The following RERG variants were observed in gnomAD, a reference collection of about 807,000 sequenced individuals.
RERG encodes the protein ras-related and estrogen-regulated growth inhibitor.
In RERG, 25 loss-of-function variants were observed where a neutral mutation model predicts 23.2. The observed-to-expected ratio is 1.08, with a 90% CI of 0.79 to 1.50. The LOEUF (loss-of-function observed/expected upper bound fraction) is 1.50. RERG is among the 40% of genes most tolerant of loss of function. The pLI, the probability that RERG is intolerant of heterozygous loss-of-function variation, is 0.00. For missense variants in RERG, 253 were observed against 250.1 expected, an observed-to-expected ratio of 1.01 and a Z score of -0.08; for synonymous variants, 81 against 89.1, an observed-to-expected ratio of 0.91 and a Z score of 0.51.
chr12:15,117,601 G>T (rs1863746788), intron 3 of RERG, among the ~76,000 whole-genome samples: 1 of 151,798 alleles, frequency 6.6e-6, no homozygotes, highest in South Asian at 2.1e-4. Context: ...TGCCTCCAAG[G>T]TAACAGTCGC....
intron 2 of RERG, among the ~76,000 whole-genome samples, chr12:15,198,145 A>G (rs572217411): frequency 6.6e-6 from 1 of 151,718 alleles, no homozygotes; most frequent in South Asian, 2.1e-4. Context: ...CCATTTTCCT[A>G]TCTTGTCTCT....
intron 2 of RERG, among the ~76,000 whole-genome samples, chr12:15,160,876 C>T (rs1351314337): frequency 6.6e-6 from 1 of 151,548 alleles, no homozygotes; most frequent in African/African-American, 2.4e-5. Context: ...ATGGCTCCCA[C>T]CTGTAATCCC....
At position 15,143,309 on chromosome 12, in the gene RERG, TAC is replaced by T. The variant is rs746314522; in HGVS notation, c.62-22192_62-22191del. 8.8e-5 allele frequency among the ~76,000 whole-genome samples: 13 copies of T among 147,044 alleles called. No homozygotes were observed. The East Asian group carries it at 1.2e-3, about 14-fold the overall frequency. ...CACATTCATATATGTACATATAATA[TAC>T]ACACACACGTGTGTATGTAAATATA... On this transcript the variant is annotated intron_variant, in intron 2 of 4. Coordinates refer to ENST00000256953, the MANE Select transcript of RERG (RefSeq NM_032918.3).
intron 3 of RERG, among the ~76,000 whole-genome samples, chr12:15,118,488 G>A (rs1863771719): frequency 6.6e-6 from 1 of 152,116 alleles, no homozygotes; most frequent in South Asian, 2.1e-4. Flanking sequence ...TCTTTTGGTG[G>A]TGGTTTTGAA....
intron 2 of RERG, among the ~76,000 whole-genome samples, chr12:15,187,734 C>CTTAACAT: frequency 6.6e-6 from 1 of 151,818 alleles, no homozygotes; most frequent in South Asian, 2.1e-4. Flanking sequence ...ATTTTTTGTA[C>CTTAACAT]TTTAAGTAGA....
chr12:15,174,303 A>G (rs1247170764), intron 2 of RERG, among the ~76,000 whole-genome samples: 1 of 152,090 alleles, frequency 6.6e-6, no homozygotes, highest in Non-Finnish European at 1.5e-5. Context: ...TGGCCTATGT[A>G]GTTTCTGATG....
intron 2 of RERG, among the ~76,000 whole-genome samples, chr12:15,164,154 C>T (rs1864653509): frequency 6.6e-6 from 1 of 152,182 alleles, no homozygotes; most frequent in South Asian, 2.1e-4. Flanking sequence ...CTCCAGAAGA[C>T]TCACTGATCT....
rs145155514 is a variant in RERG at position 15,187,603 on chromosome 12, G to C, written c.61+29826C>G. 8.8e-3 allele frequency among the ~76,000 whole-genome samples: 1,335 copies of C among 150,878 alleles called. 20 individuals are homozygous for C. Among genetic ancestry groups the C allele is most frequent in the African/African-American group, 0.031 (1,264 of 41,042 alleles). ...GATGGAGTTTTGCTGTTGTCACCCAGGCTGTAGGGCAACGGCGCAATCTTG... is the reference window on the plus strand; with the variant it reads ...GATGGAGTTTTGCTGTTGTCACCCACGCTGTAGGGCAACGGCGCAATCTTG... On this transcript the variant is annotated intron_variant, in intron 2 of 4. Transcript: ENST00000256953.
chr12:15,131,103 T>C (rs1245701795), intron 2 of RERG, among the ~76,000 whole-genome samples: 1 of 152,110 alleles, frequency 6.6e-6, no homozygotes, highest in African/African-American at 2.4e-5. Flanking sequence ...ATCTTAATTT[T>C]CTATAGAAAA....
chr12:15,128,667 GGA>G (rs1437044171), intron 2 of RERG, among the ~76,000 whole-genome samples: 1 of 152,184 alleles, frequency 6.6e-6, no homozygotes, highest in Non-Finnish European at 1.5e-5. Flanking sequence ...TGCCTCACAG[GGA>G]GCAAAGCTTG....
intron 2 of RERG, among the ~76,000 whole-genome samples, chr12:15,187,857 C>T (rs1865015484): frequency 6.6e-6 from 1 of 152,026 alleles, no homozygotes; most frequent in Non-Finnish European, 1.5e-5. Context: ...CCGTGCCTGG[C>T]TGAGAACTTT....
chr12:15,163,814 G>T (rs1565525070), intron 2 of RERG, among the ~76,000 whole-genome samples: 1 of 152,160 alleles, frequency 6.6e-6, no homozygotes, highest in African/African-American at 2.4e-5. Flanking sequence ...ATCATTGAAG[G>T]AGGAGCTTTC....
At chr12:15,212,042 C>CTTTTTTTTTTTTTTTTTTTTTTT (rs772353150) in intron 2 of RERG, among the ~76,000 whole-genome samples, 5 of 64,728 alleles carry the variant, frequency 7.7e-5, no homozygotes, top group Non-Finnish European at 1.2e-4. Context: ...CACGAATAAA[C>CTTTTTTTTTTTTTTTTTTTTTTT]TTTTTTTTTT....
At chr12:15,196,139 A>G (rs1311322594) in intron 2 of RERG, among the ~76,000 whole-genome samples, 1 of 152,094 alleles carries the variant, frequency 6.6e-6, no homozygotes, top group East Asian at 1.9e-4. Context: ...TCAAGTTTCC[A>G]TGGGTAAGCT....
At chr12:15,177,984 T>C (rs7299756) in intron 2 of RERG, among the ~76,000 whole-genome samples, 10,116 of 151,970 alleles carry the variant, frequency 0.067, 1,125 homozygotes, top group African/African-American at 0.23. Context: ...TATTTACATA[T>C]TTAAATTTTA....
rs11832193 is a variant in RERG, at chr12:15,137,267, C to G, written c.62-16148G>C. ...ATTGACATTATCACATTTGTCTATC[C>G]CTTTACTTTTAATCTATATGTGTCT... On this transcript the variant is annotated intron_variant, in intron 2 of 4. Coordinates refer to ENST00000256953, the MANE Select transcript of RERG (RefSeq NM_032918.3). 8.6e-3 allele frequency among the ~76,000 whole-genome samples: 1,298 copies of G among 151,388 alleles called. 15 individuals carry two copies. The highest frequency in any genetic ancestry group is 0.03 in the African/African-American group (1,222 of 41,374).
intron 2 of RERG, among the ~76,000 whole-genome samples, chr12:15,176,119 A>G (rs543501028): frequency 6.6e-6 from 1 of 152,312 alleles, no homozygotes; most frequent in African/African-American, 2.4e-5. Context: ...GGCAAATTAT[A>G]GAGGTAGAGG....
At chr12:15,220,097 A>C (rs1361810855) in intron 1 of RERG, among the ~76,000 whole-genome samples, 1 of 152,238 alleles carries the variant, frequency 6.6e-6, no homozygotes, top group African/African-American at 2.4e-5. Flanking sequence ...AACAAAAATA[A>C]ATATGTAAAT....
chr12:15,117,689 A>G (rs1012392429), intron 3 of RERG, among the ~76,000 whole-genome samples: 33 of 151,850 alleles, frequency 2.2e-4, no homozygotes, highest in Non-Finnish European at 3.4e-4. Flanking sequence ...ACACACACAC[A>G]CACACACACA....
Sources: gnomAD v4.1 joint callset for allele counts (sites outside exome capture counted in the v4.1 genomes callset) on GRCh38, gnomAD v4.1.1 for gene constraint, MANE v1.5 for transcripts, NCBI Gene and HGNC (gene_info 2026-07-23, HGNC 2026-07-21) for gene names.